MAP7: variants seen among roughly 807,000 people sequenced by gnomAD.
The protein encoded by MAP7 is microtubule associated protein 7.
MAP7 carries 52 observed loss-of-function variants against 94.8 expected under a neutral mutation model. The observed-to-expected ratio is 0.55, with a 90% CI of 0.44 to 0.69. The LOEUF (loss-of-function observed/expected upper bound fraction) is 0.69. Ranked by LOEUF, MAP7 falls within the 30% of genes least tolerant of loss-of-function variation. The probability of loss-of-function intolerance (pLI) is 0.00; values close to 1 mark genes in which losing one functional copy is unlikely to be tolerated. For synonymous variants in MAP7, 350 were observed against 357.0 expected (o/e 0.98, Z 0.22); for missense variants, 940 against 964.6 (o/e 0.97, Z 0.34).
chr6:136,442,017 A>C (rs1019962325), intron 1 of MAP7, among the ~76,000 whole-genome samples: 2 of 152,020 alleles, frequency 1.3e-5, no homozygotes, highest in Non-Finnish European at 2.9e-5. Context: ...TGTCTCAACA[A>C]CAACAACAGT....
chr6:136,376,878 T>TCTC (rs1776317095), intron 7 of MAP7, among the ~76,000 whole-genome samples: 1 of 152,186 alleles, frequency 6.6e-6, no homozygotes, highest in Non-Finnish European at 1.5e-5. Context: ...AAAAGCAGGC[T>TCTC]AATGAACATG....
intron 6 of MAP7, among the ~76,000 whole-genome samples, chr6:136,379,560 G>T (rs1279836830): frequency 1.3e-5 from 2 of 152,098 alleles, no homozygotes; most frequent in Non-Finnish European, 2.9e-5. Flanking sequence ...AAAATCAGTG[G>T]GGAAAAGGTG....
chr6:136,526,158 C>T, intron 1 of MAP7: 2 of 1,306,088 alleles, frequency 1.5e-6, no homozygotes, highest in Non-Finnish European at 1.9e-6. Flanking sequence ...TGAGGCCCTG[C>T]AGTTCCCCTC....
At chr6:136,487,712 GA>G (rs112663268) in intron 1 of MAP7, among the ~76,000 whole-genome samples, 155 of 143,748 alleles carry the variant, frequency 1.1e-3, no homozygotes, top group South Asian at 7.8e-3. Context: ...TGATCTCCAG[GA>G]AAAAAAAAAA....
chr6:136,387,223 A>G (rs1779399481), intron 5 of MAP7, among the ~76,000 whole-genome samples: 1 of 152,258 alleles, frequency 6.6e-6, no homozygotes, highest in Non-Finnish European at 1.5e-5. Context: ...GCTTAAAACT[A>G]AAAGTGGCAA....
At chr6:136,454,276 T>G (rs187956448) in intron 1 of MAP7, among the ~76,000 whole-genome samples, 27 of 136,058 alleles carry the variant, frequency 2.0e-4, no homozygotes, top group Admixed American at 2.3e-4. Context: ...CTAAATGATC[T>G]ATCTATCTAT....
At chr6:136,360,898 G>C in intron 12 of MAP7, 100 bp from the exon 13 acceptor site, 1 of 1,548,852 alleles carries the variant, frequency 6.5e-7, no homozygotes, top group African/African-American at 1.4e-5. Flanking sequence ...GGATGGAGAA[G>C]GTGTGGAAAG....
At chr6:136,499,496 C>A (rs962399526) in intron 1 of MAP7, among the ~76,000 whole-genome samples, 1 of 152,042 alleles carries the variant, frequency 6.6e-6, no homozygotes, top group East Asian at 1.9e-4. Context: ...ACAGTAACAG[C>A]CTGAAGCCAA....
chr6:136,436,575 TC>T (rs1796437396), intron 1 of MAP7, among the ~76,000 whole-genome samples: 1 of 152,132 alleles, frequency 6.6e-6, no homozygotes, highest in Non-Finnish European at 1.5e-5. Flanking sequence ...AGATAGAGTC[TC>T]GCTTTGTTGC....
intron 1 of MAP7, among the ~76,000 whole-genome samples, chr6:136,466,371 G>C (rs561374054): frequency 6.6e-6 from 1 of 151,584 alleles, no homozygotes; most frequent in African/African-American, 2.4e-5. Flanking sequence ...AATTTTTTTT[G>C]GACAGCAGCA....
intron 2 of MAP7, among the ~76,000 whole-genome samples, chr6:136,413,481 G>A (rs963492330): frequency 5.3e-5 from 8 of 150,246 alleles, no homozygotes; most frequent in Admixed American, 4.7e-4. Flanking sequence ...AAGACTGCAT[G>A]CCACTGCACT....
chr6:136,424,287 A>T (rs1465566943), intron 1 of MAP7, among the ~76,000 whole-genome samples: 1 of 151,092 alleles, frequency 6.6e-6, no homozygotes, highest in African/African-American at 2.4e-5. Context: ...TGACTAGGTG[A>T]CTTTCCAGTA....
At chr6:136,352,289 G>A (rs1789468862) in intron 16 of MAP7, among the ~76,000 whole-genome samples, 1 of 151,020 alleles carries the variant, frequency 6.6e-6, no homozygotes, top group South Asian at 2.1e-4. Flanking sequence ...CTGAGCTCAC[G>A]CCATCCTCCC....
At chr6:136,372,396 G>C in intron 8 of MAP7, 105 bp downstream of exon 8, 1 of 1,313,654 alleles carries the variant, frequency 7.6e-7, no homozygotes, top group South Asian at 1.5e-5. Flanking sequence ...TGGATGTCAC[G>C]GTCTCCCCCT....
At chr6:136,500,562 T>C (rs1819537075) in intron 1 of MAP7, among the ~76,000 whole-genome samples, 1 of 152,242 alleles carries the variant, frequency 6.6e-6, no homozygotes, top group South Asian at 2.1e-4. Flanking sequence ...TTTTCAGGTT[T>C]TGTAGTAATG....
At chr6:136,503,735 A>C (rs1820528529) in intron 1 of MAP7, among the ~76,000 whole-genome samples, 1 of 152,240 alleles carries the variant, frequency 6.6e-6, no homozygotes, top group Admixed American at 6.5e-5. Context: ...CAAAAATCAA[A>C]GTGTCTTACT....
chr6:136,528,917 A>G (rs556199374), intron 1 of MAP7, among the ~76,000 whole-genome samples: 1 of 150,780 alleles, frequency 6.6e-6, no homozygotes, highest in Non-Finnish European at 1.5e-5. Context: ...AGTTTCTTAA[A>G]TGTTCACACC....
At chr6:136,358,147 A>G (rs1423036667) in intron 15 of MAP7, among the ~76,000 whole-genome samples, 5 of 152,224 alleles carry the variant, frequency 3.3e-5, no homozygotes, top group African/African-American at 1.2e-4. Flanking sequence ...AAACACAGCT[A>G]TGCCAAACAG....
At chr6:136,480,413 T>C (rs78470468) in intron 1 of MAP7, among the ~76,000 whole-genome samples, 3,101 of 151,824 alleles carry the variant, frequency 0.02, 109 homozygotes, top group East Asian at 0.14. Flanking sequence ...ATTGGGGAGA[T>C]GGGTGGATCA....
Sources: gnomAD v4.1 joint callset for allele counts (sites outside exome capture counted in the v4.1 genomes callset) on GRCh38, gnomAD v4.1.1 for gene constraint, MANE v1.5 for transcripts, NCBI Gene and HGNC (gene_info 2026-07-23, HGNC 2026-07-21) for gene names.